Variants in FAM107B observed in about 807,000 individuals in gnomAD.
FAM107B encodes the protein protein FAM107B.
A neutral mutation model predicts 31.5 loss-of-function variants in FAM107B; 21 were observed. That is an observed-to-expected ratio of 0.67 (90% CI 0.47 to 0.96). FAM107B has a LOEUF of 0.96. Among genes scored for constraint, FAM107B ranks in the 40% least tolerant of loss-of-function variants. The probability of loss-of-function intolerance (pLI) is 0.00; values close to 1 mark genes in which losing one functional copy is unlikely to be tolerated. For missense variants in FAM107B, 452 were observed against 377.1 expected, an observed-to-expected ratio of 1.20 and a Z score of -1.64; for synonymous variants, 157 against 141.5, an observed-to-expected ratio of 1.11 and a Z score of -0.78.
In FAM107B at chr10:14,520,425, A is replaced by G. The variant is rs547256992; in HGVS notation, c.*765T>C. The G allele has an allele frequency of 2.6e-5, 4 of 152,402 alleles. No homozygotes were observed. The East Asian group carries it at 7.7e-4, about 29-fold the overall frequency. 9.4% of individuals were successfully genotyped at this position (152,402 alleles called of 1,614,324 possible). ...TCTGAAAGAACTAGATCAGCAAGAC[A>G]TTTAAAAACAAAACTGAACAGAAAC... On this transcript the variant is annotated 3_prime_UTR_variant, in exon 5 of 5. Coordinates refer to ENST00000181796, the MANE Select transcript of FAM107B (RefSeq NM_031453.4).
chr10:14,729,208 A>T (rs1475460967), intron 1 of FAM107B, among the ~76,000 whole-genome samples: 5 of 152,034 alleles, frequency 3.3e-5, no homozygotes, highest in African/African-American at 1.2e-4. Flanking sequence ...TTTGTTGCCC[A>T]GGCTGATTTC....
At chr10:14,637,470 C>CA (rs1853529308) in intron 2 of FAM107B, among the ~76,000 whole-genome samples, 2 of 152,068 alleles carry the variant, frequency 1.3e-5, no homozygotes, top group African/African-American at 4.8e-5. Flanking sequence ...CTTATCCCTA[C>CA]AAAAAATACA....
intron 1 of FAM107B, among the ~76,000 whole-genome samples, chr10:14,733,122 A>G (rs1856213390): frequency 6.7e-6 from 1 of 149,910 alleles, no homozygotes; most frequent in Non-Finnish European, 1.5e-5. Flanking sequence ...GCATATTTTT[A>G]TATATGTTAA....
chr10:14,695,669 G>A (rs1290757033), intron 1 of FAM107B, among the ~76,000 whole-genome samples: 1 of 152,054 alleles, frequency 6.6e-6, no homozygotes, highest in East Asian at 1.9e-4. Flanking sequence ...TTTCACTAAT[G>A]TTTTATAGTT....
In FAM107B at chr10:14,644,484, T is replaced by C. The variant is rs372723552; in HGVS notation, c.469+23150A>G. ...CTGCTAAGTAAGACCCATTACACCA[T>C]GTACATTTGTACATTAACAGAAATA... is the stretch of plus-strand genomic sequence containing the variant. On this transcript the variant is annotated intron_variant, in intron 2 of 4. Transcript: ENST00000181796. 3.9e-5 allele frequency among the ~76,000 whole-genome samples: 6 copies of C among 152,372 alleles called. No individual in the cohort carries two copies. The East Asian group carries it at 7.7e-4, about 20-fold the overall frequency.
At chr10:14,546,515 G>A (rs1848709410) in intron 2 of FAM107B, among the ~76,000 whole-genome samples, 1 of 152,186 alleles carries the variant, frequency 6.6e-6, no homozygotes, top group Admixed American at 6.5e-5. Context: ...AGCTGATCAC[G>A]TTTTAAGATA....
At chr10:14,766,821 A>G (rs1414208939) in intron 1 of FAM107B, among the ~76,000 whole-genome samples, 1 of 150,686 alleles carries the variant, frequency 6.6e-6, no homozygotes, top group Non-Finnish European at 1.5e-5. Context: ...ACACTGTACA[A>G]CAACAACAAC....
chr10:14,560,720 G>C (rs1185786659), intron 2 of FAM107B, among the ~76,000 whole-genome samples: 1 of 152,206 alleles, frequency 6.6e-6, no homozygotes, highest in Admixed American at 6.5e-5. Flanking sequence ...CTATGTAAAT[G>C]TCTGGTGCAC....
intron 2 of FAM107B, chr10:14,604,130 G>GCC: frequency 2.0e-5 from 13 of 641,422 alleles, no homozygotes; most frequent in Non-Finnish European, 2.5e-5. Context: ...CACCCGCCCG[G>GCC]CCGCCCGCCC....
intron 2 of FAM107B, among the ~76,000 whole-genome samples, chr10:14,575,060 A>C (rs1447960468): frequency 6.6e-6 from 1 of 152,204 alleles, no homozygotes; most frequent in Non-Finnish European, 1.5e-5. Flanking sequence ...CATAAAACTA[A>C]GTTATCTGTA....
At chr10:14,759,649 A>G (rs1218913092) in intron 1 of FAM107B, among the ~76,000 whole-genome samples, 1 of 152,226 alleles carries the variant, frequency 6.6e-6, no homozygotes, top group African/African-American at 2.4e-5. Context: ...TGTTTATTGA[A>G]TAAATTAAAG....
At chr10:14,584,757 A>G (rs772009138) in intron 2 of FAM107B, among the ~76,000 whole-genome samples, 17 of 152,156 alleles carry the variant, frequency 1.1e-4, no homozygotes, top group Non-Finnish European at 1.9e-4. Context: ...CTATGTAACA[A>G]AAGGACCGGA....
intron 2 of FAM107B, among the ~76,000 whole-genome samples, chr10:14,625,472 C>G (rs1853135767): frequency 6.6e-6 from 1 of 152,136 alleles, no homozygotes; most frequent in South Asian, 2.1e-4. Context: ...CTGCTCCAGC[C>G]AGGGCCTGAC....
intron 2 of FAM107B, among the ~76,000 whole-genome samples, chr10:14,630,948 T>C (rs530913938): frequency 6.6e-6 from 1 of 152,268 alleles, no homozygotes; most frequent in South Asian, 2.1e-4. Context: ...TATGAATATA[T>C]AGGAATCTAG....
At chr10:14,570,587 T>A (rs185838028) in intron 2 of FAM107B, among the ~76,000 whole-genome samples, 314 of 152,176 alleles carry the variant, frequency 2.1e-3, no homozygotes, top group African/African-American at 6.8e-3. Context: ...GTATCGCTTG[T>A]GGTCAGGAGT....
At chr10:14,734,861 T>C (rs111341590) in intron 1 of FAM107B, among the ~76,000 whole-genome samples, 30 of 152,264 alleles carry the variant, frequency 2.0e-4, no homozygotes, top group African/African-American at 7.2e-4. Context: ...TCAAGTACCT[T>C]GGTAGTGAAA....
chr10:14,679,691 A>G (rs1854781596), intron 1 of FAM107B, among the ~76,000 whole-genome samples: 1 of 152,194 alleles, frequency 6.6e-6, no homozygotes, highest in Non-Finnish European at 1.5e-5. Context: ...ATGGAATTGA[A>G]GGATGCAAAG....
chr10:14,694,422 T>C (rs1855217124), intron 1 of FAM107B, among the ~76,000 whole-genome samples: 1 of 152,158 alleles, frequency 6.6e-6, no homozygotes, highest in Non-Finnish European at 1.5e-5. Flanking sequence ...TTGCTCTTGT[T>C]GCCCAGGCTG....
intron 2 of FAM107B, among the ~76,000 whole-genome samples, chr10:14,554,688 C>G (rs2131104775): frequency 6.6e-6 from 1 of 152,264 alleles, no homozygotes; most frequent in East Asian, 1.9e-4. Flanking sequence ...AGTACCAGCA[C>G]CAAGCAGCTA....
Sources: allele counts gnomAD v4.1 joint callset (sites outside exome capture counted in the v4.1 genomes callset), GRCh38; gene constraint gnomAD v4.1.1; transcripts MANE v1.5; gene names NCBI Gene and HGNC (gene_info 2026-07-23, HGNC 2026-07-21).